The following NRP2 variants were observed in gnomAD, a reference collection of about 807,000 sequenced individuals.
The protein encoded by NRP2 is neuropilin 2, also known as neuropilin-2.
In NRP2, 52 loss-of-function variants were observed where a neutral mutation model predicts 110.4. That is an observed-to-expected ratio of 0.47 (90% CI 0.38 to 0.59). The LOEUF (loss-of-function observed/expected upper bound fraction) is 0.59. Among genes scored for constraint, NRP2 ranks in the 20% least tolerant of loss-of-function variants. NRP2 has a pLI of 0.00. For synonymous variants in NRP2, 508 were observed against 468.9 expected, an observed-to-expected ratio of 1.08 and a Z score of -1.08; for missense variants, 1,049 against 1,203.0, an observed-to-expected ratio of 0.87 and a Z score of 1.89.
intron 1 of NRP2, among the ~76,000 whole-genome samples, chr2:205,695,663 G>C (rs2056408234): frequency 6.6e-6 from 1 of 152,212 alleles, no homozygotes; most frequent in South Asian, 2.1e-4. Flanking sequence ...ATATCTGGCA[G>C]AGGAGCTGGA....
chr2:205,723,642 T>C lies in NRP2; in HGVS notation c.665-143T>C, dbSNP rs1054061837. On this transcript the variant is annotated intron_variant, in intron 4 of 16. Transcript: ENST00000357785. ...GCAGGAAAAATATTAGCCATTGTTC[T>C]TGAAACATATCTTTGGTTTTTATGG... is the stretch of plus-strand genomic sequence containing the variant. 9 of 848,414 alleles carry C rather than the reference T, an allele frequency of 1.1e-5. No individual in the cohort carries two copies. The African/African-American group carries it at 1.2e-4, about 11-fold the overall frequency. The allele number at this position is 848,414 out of a possible 1,614,324, so 52.6% of individuals were successfully genotyped here.
At position 205,741,687 on chromosome 2, in the gene NRP2, C is replaced by T. The variant is rs145529091; in HGVS notation, c.1291+1024C>T. Among the ~76,000 whole-genome samples the T allele has an allele frequency of 1.9e-3, 293 of 152,324 alleles. 2 individuals are homozygous for T. Among genetic ancestry groups the T allele is most frequent in the Admixed American group, 5.9e-3 (90 of 15,300 alleles). On this transcript the variant is annotated intron_variant, in intron 8 of 16. Coordinates refer to ENST00000357785, the MANE Select transcript of NRP2 (RefSeq NM_003872.3). ...AGTGTCTTCAGTGTACATCCATCCA[C>T]GTGCCTTTCCCCTAATCATTCCAGC...
chr2:205,751,461 G>C (rs1274300015), intron 11 of NRP2, among the ~76,000 whole-genome samples: 4 of 152,006 alleles, frequency 2.6e-5, no homozygotes, highest in Non-Finnish European at 4.4e-5. Flanking sequence ...TTCAGAAATT[G>C]TCAGGAGAAG....
At chr2:205,747,196 C>T (rs972482629) in intron 10 of NRP2, among the ~76,000 whole-genome samples, 1 of 152,172 alleles carries the variant, frequency 6.6e-6, no homozygotes, top group Non-Finnish European at 1.5e-5. Flanking sequence ...CTTCACAACC[C>T]GCTTCACTTA....
intron 1 of NRP2, among the ~76,000 whole-genome samples, chr2:205,694,121 CTA>C (rs1365094295): frequency 6.6e-6 from 1 of 152,132 alleles, no homozygotes. Context: ...CTTTTCAGGG[CTA>C]TGTTACCCCT....
At chr2:205,726,123 A>T in intron 6 of NRP2, 41 bp downstream of exon 6, 1 of 1,606,554 alleles carries the variant, frequency 6.2e-7, no homozygotes. Context: ...GTGTGTATGT[A>T]TTGCTGGGGT....
Position 205,731,516 on chromosome 2 carries a change from GA to G in NRP2, c.1146+3472del, listed in dbSNP as rs533176112. On this transcript the variant is annotated intron_variant, in intron 7 of 16. Transcript: ENST00000357785. ...GCACTGGGGATAGGCTGTGCCTCGG[GA>G]ATGGAACCACAGCTGGTGACAGGAC... is the stretch of plus-strand genomic sequence containing the variant. Among the ~76,000 whole-genome samples, 121 of 152,296 alleles carry G rather than the reference GA, an allele frequency of 7.9e-4. 1 individual carries two copies. Among genetic ancestry groups the G allele is most frequent in the African/African-American group, 2.9e-3 (119 of 41,566 alleles).
intron 16 of NRP2, among the ~76,000 whole-genome samples, chr2:205,794,057 C>A (rs1441511501): frequency 6.6e-6 from 1 of 152,054 alleles, no homozygotes; most frequent in Non-Finnish European, 1.5e-5. Flanking sequence ...GTAAAGCCAC[C>A]CCAAAGGTGC....
At chr2:205,736,910 G>A (rs1011181531) in intron 7 of NRP2, among the ~76,000 whole-genome samples, 2 of 152,132 alleles carry the variant, frequency 1.3e-5, no homozygotes, top group East Asian at 3.8e-4. Flanking sequence ...CATTGAGAAA[G>A]TCATAAAGAT....
intron 2 of NRP2, among the ~76,000 whole-genome samples, chr2:205,715,599 C>A (rs2056879216): frequency 6.6e-6 from 1 of 152,112 alleles, no homozygotes; most frequent in South Asian, 2.1e-4. Flanking sequence ...TTGTCACTAA[C>A]AATTAAAGAA....
intron 3 of NRP2, among the ~76,000 whole-genome samples, chr2:205,720,407 C>T (rs1027313346): frequency 3.3e-5 from 5 of 151,954 alleles, no homozygotes; most frequent in African/African-American, 9.7e-5. Context: ...AGATGTCCAT[C>T]GTGGAAGCAC....
intron 3 of NRP2, among the ~76,000 whole-genome samples, chr2:205,718,813 G>A (rs1348880208): frequency 2.6e-5 from 4 of 151,994 alleles, no homozygotes; most frequent in Admixed American, 2.6e-4. Flanking sequence ...ATGGTGGCAC[G>A]TGCCTGTAAT....
intron 10 of NRP2, 35 bp downstream of exon 10, chr2:205,745,925 C>G: frequency 6.2e-7 from 1 of 1,612,772 alleles, no homozygotes; most frequent in Non-Finnish European, 8.5e-7. Flanking sequence ...GCATCTCACC[C>G]ACATGGTCCT....
At chr2:205,737,234 A>G (rs2057360755) in intron 7 of NRP2, among the ~76,000 whole-genome samples, 1 of 152,260 alleles carries the variant, frequency 6.6e-6, no homozygotes, top group South Asian at 2.1e-4. Context: ...TAAAAAGTCC[A>G]CAGCCACCGT....
At chr2:205,767,605 G>C (rs981107117) in intron 15 of NRP2, 7 of 310,536 alleles carry the variant, frequency 2.3e-5, no homozygotes, top group Admixed American at 9.0e-5. Flanking sequence ...CTCCAGCCTT[G>C]GGTGATGGCA....
Position 205,795,120 on chromosome 2 carries a change from A to AT in NRP2, c.*71dup, listed in dbSNP as rs779329966. On this transcript the variant is annotated 3_prime_UTR_variant, in exon 17 of 17. Transcript: ENST00000357785. The stretch of plus-strand genomic sequence containing the variant: ...AGCAAGAGGGGCTGGGGAAGATTAC[A>AT]TTTTTTTTTCCTTTGGAAACTGAAT... 1,190 of 1,472,480 alleles carry AT rather than the reference A, an allele frequency of 8.1e-4. No homozygotes were observed. The highest frequency in any genetic ancestry group is 9.4e-4 in the Non-Finnish European group (1,007 of 1,069,172). 91.2% of individuals were successfully genotyped at this position (1,472,480 alleles called of 1,614,324 possible).
chr2:205,721,414 A>C (rs1261682297), intron 3 of NRP2, among the ~76,000 whole-genome samples: 1 of 152,222 alleles, frequency 6.6e-6, no homozygotes, highest in Non-Finnish European at 1.5e-5. Context: ...ACTTTCATTC[A>C]TTGCGTGAAT....
chr2:205,707,667 T>G (rs1477885358), intron 2 of NRP2, among the ~76,000 whole-genome samples: 1 of 152,214 alleles, frequency 6.6e-6, no homozygotes, highest in Non-Finnish European at 1.5e-5. Context: ...CAAAAAGGAC[T>G]TTTCTGTTGC....
At chr2:205,746,001 A>C (rs1365374248) in intron 10 of NRP2, 111 bp downstream of exon 10, 1 of 1,223,134 alleles carries the variant, frequency 8.2e-7, no homozygotes, top group African/African-American at 1.5e-5. Flanking sequence ...AGGAGCTGGA[A>C]ATGCTGCAGA....
Sources: gnomAD v4.1 joint callset for allele counts (sites outside exome capture counted in the v4.1 genomes callset) on GRCh38, gnomAD v4.1.1 for gene constraint, MANE v1.5 for transcripts, NCBI Gene and HGNC (gene_info 2026-07-23, HGNC 2026-07-21) for gene names.